Variants in STPG2 observed in about 807,000 individuals in gnomAD.
STPG2 encodes the protein sperm-tail PG-rich repeat-containing protein 2.
STPG2 carries 56 observed loss-of-function variants against 54.2 expected under a neutral mutation model. The ratio of observed to expected loss-of-function variants is 1.03; its 90% CI spans 0.83 to 1.29. The LOEUF is 1.29. Ranked by LOEUF, STPG2 falls within the 50% of genes most tolerant of loss-of-function variation. The pLI, the probability that STPG2 is intolerant of heterozygous loss-of-function variation, is 0.00. For missense variants in STPG2, 596 were observed against 544.9 expected, an observed-to-expected ratio of 1.09 and a Z score of -0.93; for synonymous variants, 200 against 181.8, an observed-to-expected ratio of 1.10 and a Z score of -0.81.
chr4:97,604,129 T>G (rs1733533617), intron 10 of STPG2, among the ~76,000 whole-genome samples: 1 of 151,694 alleles, frequency 6.6e-6, no homozygotes, highest in African/African-American at 2.4e-5. Context: ...TATATTAATT[T>G]TTGGACTCAG....
intron 4 of STPG2, among the ~76,000 whole-genome samples, chr4:97,511,727 A>C (rs984533902): frequency 6.6e-6 from 1 of 152,114 alleles, no homozygotes; most frequent in Non-Finnish European, 1.5e-5. Flanking sequence ...ATCGCTTACC[A>C]TACATAGATA....
At chr4:97,665,892 G>A (rs937351177) in intron 10 of STPG2, among the ~76,000 whole-genome samples, 1 of 152,112 alleles carries the variant, frequency 6.6e-6, no homozygotes, top group Non-Finnish European at 1.5e-5. Context: ...ACAGTGCCCA[G>A]GCTCAGCCTC....
At chr4:97,814,068 A>G (rs1240268859) in intron 9 of STPG2, among the ~76,000 whole-genome samples, 1 of 152,196 alleles carries the variant, frequency 6.6e-6, no homozygotes, top group Non-Finnish European at 1.5e-5. Context: ...TAATGAGATC[A>G]TGAAAAATCA....
chr4:97,552,169 G>A (rs979044387), intron 4 of STPG2, among the ~76,000 whole-genome samples: 3 of 151,868 alleles, frequency 2.0e-5, no homozygotes, highest in East Asian at 3.9e-4. Flanking sequence ...CATTCTATTC[G>A]GTATATCTCT....
chr4:97,581,603 T>C (rs1732864961), intron 10 of STPG2, among the ~76,000 whole-genome samples: 1 of 152,084 alleles, frequency 6.6e-6, no homozygotes, highest in African/African-American at 2.4e-5. Context: ...TCTAGCATCT[T>C]ATTAGAACAT....
intron 10 of STPG2, among the ~76,000 whole-genome samples, chr4:97,687,085 C>T (rs1306808937): frequency 2.6e-5 from 4 of 151,632 alleles, no homozygotes; most frequent in Non-Finnish European, 5.9e-5. Context: ...GGACTACAGG[C>T]GCTGGCCACC....
chr4:98,022,087 T>C (rs1173972257), intron 5 of STPG2, among the ~76,000 whole-genome samples: 1 of 152,094 alleles, frequency 6.6e-6, no homozygotes, highest in South Asian at 2.1e-4. Flanking sequence ...TTTTGCTTGT[T>C]AGTTGATGCA....
chr4:97,979,647 G>T (rs7688192), intron 6 of STPG2, among the ~76,000 whole-genome samples: 63,358 of 151,786 alleles, frequency 0.42, 13,803 homozygotes, highest in Admixed American at 0.53. Flanking sequence ...AATACTTTGA[G>T]AGCCGAGGTG....
chr4:97,490,801 G>T (rs1439505246), intron 4 of STPG2, among the ~76,000 whole-genome samples: 1 of 151,472 alleles, frequency 6.6e-6, no homozygotes, highest in African/African-American at 2.4e-5. Flanking sequence ...TTAGATTTAG[G>T]ACTTCCCATA....
rs146047812 is a variant in STPG2 at position 97,546,244 on chromosome 4, T to C, written c.462+166455A>G. 4.2e-3 allele frequency among the ~76,000 whole-genome samples: 631 copies of C among 152,022 alleles called. 3 individuals are homozygous for C. Among genetic ancestry groups the C allele is most frequent in the South Asian group, 0.02 (98 of 4,832 alleles). On this transcript the variant is annotated intron_variant, in intron 4 of 4. Transcript: ENST00000522676. ...ATGTAATTATATATAAAATAATGAA[T>C]ACTAATGACAAAACCAATTGAGCAC...
At chr4:97,469,513 A>T (rs1729871881) in intron 4 of STPG2, among the ~76,000 whole-genome samples, 1 of 152,124 alleles carries the variant, frequency 6.6e-6, no homozygotes, top group South Asian at 2.1e-4. Flanking sequence ...GAGAAAGTAC[A>T]GTGAGAGAGC....
chr4:98,011,830 T>G lies in STPG2; in HGVS notation c.613-30512A>C, dbSNP rs543846442. ...TTGTTTGTTTTTCTTGTAAATTTGTTTAAGTTCCTTGTAGATTCTGGATAT... is the reference window on the plus strand; with the variant it reads ...TTGTTTGTTTTTCTTGTAAATTTGTGTAAGTTCCTTGTAGATTCTGGATAT... On this transcript the variant is annotated intron_variant, in intron 5 of 10. Transcript: ENST00000295268. Among the ~76,000 whole-genome samples the G allele has an allele frequency of 4.6e-5, 7 of 152,358 alleles. No individual in the cohort carries two copies. The South Asian group carries it at 1.4e-3, about 32-fold the overall frequency.
At chr4:97,512,952 A>G (rs1731003426) in intron 4 of STPG2, among the ~76,000 whole-genome samples, 1 of 151,968 alleles carries the variant, frequency 6.6e-6, no homozygotes, top group Non-Finnish European at 1.5e-5. Flanking sequence ...CTACCTGGAG[A>G]GCATGTCAGA....
intron 4 of STPG2, among the ~76,000 whole-genome samples, chr4:97,511,855 GA>G (rs1267013979): frequency 1.3e-5 from 2 of 151,796 alleles, no homozygotes; most frequent in Middle Eastern, 3.4e-3. Context: ...AAAAAAGGAA[GA>G]AAAAAAATTC....
At chr4:98,131,594 A>G (rs1009447628) in intron 2 of STPG2, among the ~76,000 whole-genome samples, 1 of 152,190 alleles carries the variant, frequency 6.6e-6, no homozygotes, top group Non-Finnish European at 1.5e-5. Context: ...TATGAGCTAC[A>G]TGAAAAAGTT....
At chr4:98,094,338 C>CTTTAAGTGAA in intron 5 of STPG2, among the ~76,000 whole-genome samples, 1 of 152,194 alleles carries the variant, frequency 6.6e-6, no homozygotes, top group Middle Eastern at 3.4e-3. Flanking sequence ...AGCCCTTGGG[C>CTTTAAGTGAA]CCTGAATAAT....
At chr4:97,845,690 A>G (rs1354117282) in intron 8 of STPG2, among the ~76,000 whole-genome samples, 1 of 152,228 alleles carries the variant, frequency 6.6e-6, no homozygotes, top group Non-Finnish European at 1.5e-5. Context: ...ACTGATAAAC[A>G]GTACATTTTG....
chr4:98,024,399 A>T (rs1736344785), intron 5 of STPG2, among the ~76,000 whole-genome samples: 1 of 152,204 alleles, frequency 6.6e-6, no homozygotes, highest in Non-Finnish European at 1.5e-5. Flanking sequence ...TTATTTACAT[A>T]ACACCCTTCC....
chr4:97,722,462 G>A (rs1348983412), intron 9 of STPG2, among the ~76,000 whole-genome samples: 1 of 152,012 alleles, frequency 6.6e-6, no homozygotes, highest in East Asian at 1.9e-4. Flanking sequence ...AGAGCCTTAT[G>A]TGTTTGTCAC....
Sources: allele counts gnomAD v4.1 joint callset (sites outside exome capture counted in the v4.1 genomes callset), GRCh38; gene constraint gnomAD v4.1.1; transcripts MANE v1.5; gene names NCBI Gene and HGNC (gene_info 2026-07-23, HGNC 2026-07-21).